The following MAP7 variants were observed in gnomAD, a reference collection of about 807,000 sequenced individuals.
MAP7 encodes the protein ensconsin.
Under a neutral mutation model 94.8 loss-of-function variants are expected in MAP7, and 52 were observed. The observed-to-expected ratio is 0.55, with a 90% CI of 0.44 to 0.69. The LOEUF (loss-of-function observed/expected upper bound fraction) is 0.69. Ranked by LOEUF, MAP7 falls within the 30% of genes least tolerant of loss-of-function variation. The probability of loss-of-function intolerance (pLI) is 0.00; values close to 1 mark genes in which losing one functional copy is unlikely to be tolerated. For synonymous variants in MAP7, 350 were observed against 357.0 expected, an observed-to-expected ratio of 0.98 and a Z score of 0.22; for missense variants, 940 against 964.6, an observed-to-expected ratio of 0.97 and a Z score of 0.34.
intron 3 of MAP7, among the ~76,000 whole-genome samples, chr6:136,389,929 A>G (rs1445837666): frequency 6.6e-6 from 1 of 152,130 alleles, no homozygotes; most frequent in Non-Finnish European, 1.5e-5. Context: ...ATTGGTTCTG[A>G]GTATTAAAAG....
chr6:136,369,401 C>A (rs1286285468), intron 8 of MAP7, among the ~76,000 whole-genome samples: 1 of 152,116 alleles, frequency 6.6e-6, no homozygotes, highest in Non-Finnish European at 1.5e-5. Flanking sequence ...TGGCGAAACC[C>A]TCTCTCTACT....
chr6:136,414,065 A>C (rs1262155064), intron 2 of MAP7, among the ~76,000 whole-genome samples: 1 of 150,760 alleles, frequency 6.6e-6, no homozygotes, highest in African/African-American at 2.4e-5. Flanking sequence ...CTGGCTAACA[A>C]GGTGAAACCC....
At chr6:136,539,086 G>A (rs993038601) in intron 1 of MAP7, among the ~76,000 whole-genome samples, 4 of 152,174 alleles carry the variant, frequency 2.6e-5, no homozygotes, top group Non-Finnish European at 5.9e-5. Context: ...AAGAAACTTA[G>A]CATGCCAGGG....
intron 1 of MAP7, among the ~76,000 whole-genome samples, chr6:136,531,747 G>A (rs574849953): frequency 1.6e-5 from 2 of 122,166 alleles, no homozygotes; most frequent in Admixed American, 1.6e-4. Context: ...TTTTTTAACA[G>A]ACACCCCTCT....
At chr6:136,482,812 G>A (rs1813318982) in intron 1 of MAP7, among the ~76,000 whole-genome samples, 1 of 152,062 alleles carries the variant, frequency 6.6e-6, no homozygotes, top group South Asian at 2.1e-4. Context: ...CGATTTGGCA[G>A]GCAACAAGCT....
chr6:136,395,753 A>G (rs138503505), intron 3 of MAP7, among the ~76,000 whole-genome samples: 2 of 152,234 alleles, frequency 1.3e-5, no homozygotes, highest in Middle Eastern at 3.4e-3. Context: ...ATAGGGGTCT[A>G]GTATCATTTT....
At chr6:136,367,962 A>G (rs1388732951) in intron 8 of MAP7, among the ~76,000 whole-genome samples, 1 of 152,066 alleles carries the variant, frequency 6.6e-6, no homozygotes, top group Non-Finnish European at 1.5e-5. Flanking sequence ...AAGACTCAAG[A>G]GGGACAATTT....
intron 1 of MAP7, among the ~76,000 whole-genome samples, chr6:136,476,659 T>C (rs1199388644): frequency 6.6e-6 from 1 of 152,168 alleles, no homozygotes; most frequent in Non-Finnish European, 1.5e-5. Context: ...ATTCATAATC[T>C]ATCACACCTG....
intron 1 of MAP7, among the ~76,000 whole-genome samples, chr6:136,449,186 T>C (rs2128876807): frequency 6.6e-6 from 1 of 152,046 alleles, no homozygotes; most frequent in Non-Finnish European, 1.5e-5. Flanking sequence ...TCCCAGCTAC[T>C]GGGGAGGCTG....
At chr6:136,409,639 T>C (rs889649399) in intron 3 of MAP7, among the ~76,000 whole-genome samples, 4 of 152,230 alleles carry the variant, frequency 2.6e-5, no homozygotes, top group African/African-American at 9.6e-5. Context: ...AGTTGGGAAC[T>C]TGGGTGGCAC....
intron 1 of MAP7, among the ~76,000 whole-genome samples, chr6:136,435,812 A>T (rs954764069): frequency 4.6e-5 from 7 of 152,200 alleles, no homozygotes; most frequent in Non-Finnish European, 7.3e-5. Context: ...GAAATAGTAG[A>T]ATCTGAGCAA....
At chr6:136,429,249 C>T (rs919124522) in intron 1 of MAP7, among the ~76,000 whole-genome samples, 4 of 152,168 alleles carry the variant, frequency 2.6e-5, no homozygotes, top group Non-Finnish European at 5.9e-5. Context: ...GAAAGGAGCG[C>T]TCAGTCTCAC....
At chr6:136,500,414 TAATC>T (rs1269965639) in intron 1 of MAP7, among the ~76,000 whole-genome samples, 1 of 152,218 alleles carries the variant, frequency 6.6e-6, no homozygotes, top group Non-Finnish European at 1.5e-5. Flanking sequence ...GTTTTTTAAT[TAATC>T]TCTTAACATC....
At chr6:136,420,260 C>G (rs1271531380) in intron 2 of MAP7, 6 of 951,866 alleles carry the variant, frequency 6.3e-6, no homozygotes, top group Non-Finnish European at 1.0e-5. Flanking sequence ...CCAGGTAAAA[C>G]ATCGCAGAAG....
intron 17 of MAP7, among the ~76,000 whole-genome samples, chr6:136,344,897 T>C (rs1166215200): frequency 2.0e-5 from 3 of 152,254 alleles, no homozygotes; most frequent in Non-Finnish European, 4.4e-5. Context: ...ACAGATTCAC[T>C]GATTGAATCT....
chr6:136,524,577 A>C (rs765826140), intron 1 of MAP7, among the ~76,000 whole-genome samples: 5 of 152,234 alleles, frequency 3.3e-5, no homozygotes, highest in Admixed American at 6.5e-5. Flanking sequence ...CTCAGACAGG[A>C]GCCAGGTCTG....
Position 136,356,779 on chromosome 6 carries a change from G to A in MAP7, c.1928C>T (p.Pro643Leu). 3.7e-6 allele frequency: 6 copies of A among 1,614,044 alleles called. No individual in the cohort carries two copies. The highest frequency in any genetic ancestry group is 5.1e-6 in the Non-Finnish European group (6 of 1,179,922). Reference sequence around the variant, plus strand: ...ATTTCCCGGAGCGTTTGTTGTACATGGAAGTGCAGACACCTCTGGGCATAG... The same window carrying A: ...ATTTCCCGGAGCGTTTGTTGTACATAGAAGTGCAGACACCTCTGGGCATAG... ...LTGGTEVSAL[P>L]CTTNAPGNGK... is the part of the protein sequence containing the mutation. The change falls in exon 16 of 18, where the codon CCA becomes CTA. Residue 643 changes from proline (P) to leucine (L), a missense_variant. Coordinates refer to ENST00000354570, the MANE Select transcript of MAP7 (RefSeq NM_003980.6).
At chr6:136,428,824 C>T (rs1794053834) in intron 1 of MAP7, among the ~76,000 whole-genome samples, 1 of 152,136 alleles carries the variant, frequency 6.6e-6, no homozygotes, top group Non-Finnish European at 1.5e-5. Context: ...CCAGAGCAAC[C>T]TCAGGGCAGG....
intron 3 of MAP7, among the ~76,000 whole-genome samples, chr6:136,410,243 C>A (rs1202440866): frequency 2.6e-5 from 4 of 152,176 alleles, no homozygotes; most frequent in African/African-American, 9.7e-5. Context: ...AAGAGATCTA[C>A]AAGTGTGAGA....
Sources: allele counts gnomAD v4.1 joint callset (sites outside exome capture counted in the v4.1 genomes callset), GRCh38; gene constraint gnomAD v4.1.1; transcripts MANE v1.5; gene names NCBI Gene and HGNC (gene_info 2026-07-23, HGNC 2026-07-21).